CDH23: variants seen among roughly 807,000 people sequenced by gnomAD.
CDH23 encodes cadherin-23.
Under a neutral mutation model 317.1 loss-of-function variants are expected in CDH23, and 189 were observed. The ratio of observed to expected loss-of-function variants is 0.60; its 90% confidence interval spans 0.53 to 0.67. The LOEUF (loss-of-function observed/expected upper bound fraction) is 0.67, where lower values mean the gene tolerates loss of function less well. CDH23 is among the 30% of genes least tolerant of loss of function. The probability of loss-of-function intolerance (pLI) is 0.00; values close to 1 mark genes in which losing one functional copy is unlikely to be tolerated. For synonymous variants in CDH23, 1,839 were observed against 1,876.8 expected (o/e 0.98, Z 0.52); for missense variants, 4,401 against 4,592.4 (o/e 0.96, Z 1.20).
At position 71,705,126 on chromosome 10, in the gene CDH23, C is replaced by A. The variant is rs779049156; in HGVS notation, c.2949C>A (p.Ile983=). 1.6e-5 allele frequency: 26 copies of A among 1,608,530 alleles called. No individual in the cohort carries two copies. The South Asian group carries it at 2.9e-4, about 18-fold the overall frequency. Residue 983 remains isoleucine, a synonymous_variant, in exon 25 of 70, where the codon ATC becomes ATA. Transcript: ENST00000224721. ...PTKSSTSTLT[I]HVLDVNDETP... ...AGAGCTCCACCAGCACGCTCACCAT[C>A]CATGGTGAGGGGGCGCAGGGGCTTC...
intron 38 of CDH23, among the ~76,000 whole-genome samples, chr10:71,767,155 CTTG>C (rs972780734): frequency 2.0e-5 from 3 of 152,232 alleles, no homozygotes; most frequent in East Asian, 1.9e-4. Flanking sequence ...GAAAGGAGCT[CTTG>C]TTGGCATCTT....
chr10:71,805,898 T>C lies in CDH23; in HGVS notation c.7965T>C (p.Thr2655=), dbSNP rs759914689. 1.2e-6 allele frequency: 2 copies of C among 1,613,600 alleles called. No homozygotes were observed. Among genetic ancestry groups the C allele is most frequent in the Non-Finnish European group, 1.7e-6 (2 of 1,179,812 alleles). The change falls in exon 56 of 70, where the codon ACT becomes ACC. Residue 2655 remains threonine (T), a synonymous_variant. Transcript: ENST00000224721. ...CGGTGCGCTACAGCTTCCTGAAGAC[T>C]GCGGGCAACCGGGACTGGGAGTTCT... is the stretch of plus-strand genomic sequence containing the variant. ...NGAVRYSFLK[T]AGNRDWEFFI...
intron 9 of CDH23, among the ~76,000 whole-genome samples, chr10:71,579,548 C>T (rs1858480682): frequency 6.6e-6 from 1 of 152,196 alleles, no homozygotes; most frequent in African/African-American, 2.4e-5. Context: ...CTACGAAGTC[C>T]TTGGGCCCCA....
intron 32 of CDH23, 27 bp from the exon 33 acceptor site, chr10:71,734,213 C>T: frequency 6.3e-7 from 1 of 1,576,252 alleles, no homozygotes; most frequent in Non-Finnish European, 8.6e-7. Context: ...GATGTTGTCA[C>T]TCACCCATCT....
intron 9 of CDH23, among the ~76,000 whole-genome samples, chr10:71,587,061 C>T (rs1589237610): frequency 1.3e-5 from 2 of 152,336 alleles, no homozygotes; most frequent in Non-Finnish European, 1.5e-5. Context: ...TACGTCATCT[C>T]TCACCCCCAT....
intron 11 of CDH23, 165 bp downstream of exon 11, chr10:71,617,558 T>G: frequency 6.8e-7 from 1 of 1,463,814 alleles, no homozygotes; most frequent in Non-Finnish European, 9.0e-7. Flanking sequence ...ATCACTAGTC[T>G]CTACTTTTGG....
intron 38 of CDH23, chr10:71,755,379 C>T (rs932829677): frequency 3.1e-6 from 5 of 1,612,396 alleles, no homozygotes; most frequent in Non-Finnish European, 4.2e-6. Flanking sequence ...GGCTGCCTGC[C>T]TTTGCTTGTA....
At chr10:71,414,566 AC>A (rs1219036206) in intron 1 of CDH23, among the ~76,000 whole-genome samples, 3 of 152,356 alleles carry the variant, frequency 2.0e-5, no homozygotes, top group Admixed American at 6.5e-5. Context: ...TGCAATAGCT[AC>A]AACAGCTTTT....
At chr10:71,762,139 A>G in intron 38 of CDH23, 1 of 1,255,704 alleles carries the variant, frequency 8.0e-7, no homozygotes, top group East Asian at 2.6e-5. Context: ...GGCCAGGGGC[A>G]TGTCAGCTGA....
chr10:71,537,347 G>A (rs538751190), intron 6 of CDH23, among the ~76,000 whole-genome samples: 2 of 152,338 alleles, frequency 1.3e-5, no homozygotes, highest in East Asian at 1.9e-4. Flanking sequence ...ATCCGTCAGG[G>A]ATCTGACACG....
chr10:71,662,582 C>G (rs1231168764), intron 14 of CDH23, among the ~76,000 whole-genome samples: 1 of 152,112 alleles, frequency 6.6e-6, no homozygotes, highest in African/African-American at 2.4e-5. Context: ...TGTCTTTGCC[C>G]CCTTCTCTCA....
intron 41 of CDH23, among the ~76,000 whole-genome samples, chr10:71,781,830 G>A (rs1048469881): frequency 9.9e-5 from 15 of 152,164 alleles, no homozygotes; most frequent in Non-Finnish European, 1.5e-4. Context: ...AGCGCCACCC[G>A]CATCTCAGAA....
chr10:71,669,692 C>T (rs144484669), intron 14 of CDH23, among the ~76,000 whole-genome samples: 2,468 of 152,270 alleles, frequency 0.016, 72 homozygotes, highest in African/African-American at 0.057. Context: ...AGGTGATCTG[C>T]CTGCCTTGGC....
At chr10:71,812,378 T>C (rs765298905) in intron 66 of CDH23, 102 bp from the exon 67 acceptor site, 9 of 1,603,126 alleles carry the variant, frequency 5.6e-6, no homozygotes, top group South Asian at 1.1e-5. Flanking sequence ...TGAAAGGCAC[T>C]ATATGGCCAG....
At chr10:71,402,414 A>G (rs1847821495) in intron 1 of CDH23, among the ~76,000 whole-genome samples, 1 of 152,228 alleles carries the variant, frequency 6.6e-6, no homozygotes, top group African/African-American at 2.4e-5. Flanking sequence ...ATTGAGCACC[A>G]GTTCTTCCAC....
Position 71,813,235 on chromosome 10 carries a change from C to T in CDH23, c.9634-9C>T. On this transcript the variant is annotated splice_polypyrimidine_tract_variant and intron_variant, in intron 68 of 69. Coordinates refer to ENST00000224721, the MANE Select transcript of CDH23 (RefSeq NM_022124.6). Reference sequence around the variant, plus strand: ...GCCTTGGTGGGGGTTAACCCTTTCCCTCCCCCAGGGCTCGCTGCTGAAGGT... The same window carrying T: ...GCCTTGGTGGGGGTTAACCCTTTCCTTCCCCCAGGGCTCGCTGCTGAAGGT... 6.4e-7 allele frequency: 1 copy of T among 1,551,248 alleles called. No individual in the cohort carries two copies. Among genetic ancestry groups the T allele is most frequent in the South Asian group, 1.2e-5 (1 of 84,040 alleles).
chr10:71,779,753 G>C (rs1289635138), intron 41 of CDH23, among the ~76,000 whole-genome samples: 1 of 152,246 alleles, frequency 6.6e-6, no homozygotes, highest in Non-Finnish European at 1.5e-5. Flanking sequence ...CCCCAGGGCA[G>C]ACGAGGGAAG....
rs543422221 is a variant in CDH23 at position 71,770,849 on chromosome 10, C to T, written c.4846-6831C>T. On this transcript the variant is annotated intron_variant, in intron 38 of 69. Coordinates refer to ENST00000224721, the MANE Select transcript of CDH23 (RefSeq NM_022124.6). Reference sequence around the variant, plus strand: ...ACTAGTACAGCTCAGCAAGGGACTCCCAGTATTGCTGGCCCTTGGGTGTCC... The same window carrying T: ...ACTAGTACAGCTCAGCAAGGGACTCTCAGTATTGCTGGCCCTTGGGTGTCC... Among the ~76,000 whole-genome samples the T allele has an allele frequency of 4.6e-5, 7 of 152,256 alleles. No individual in the cohort carries two copies. The East Asian group carries it at 1.4e-3, about 30-fold the overall frequency.
At position 71,760,888 on chromosome 10, in the gene CDH23, G is replaced by A. The variant is rs201924865; in HGVS notation, c.4846-16792G>A. ...CTTACTTTCACTATCCTGGGAGGAG[G>A]ATGGGTACACCACACAGTTGGATGG... On this transcript the variant is annotated intron_variant, in intron 38 of 69. Transcript: ENST00000224721. The A allele has an allele frequency of 7.4e-6, 12 of 1,613,790 alleles. No homozygotes were observed. The East Asian group carries it at 2.5e-4, about 33-fold the overall frequency.
Sources: gnomAD v4.1 joint callset for allele counts (sites outside exome capture counted in the v4.1 genomes callset) on GRCh38, gnomAD v4.1.1 for gene constraint, MANE v1.5 for transcripts, NCBI Gene and HGNC (gene_info 2026-07-23, HGNC 2026-07-21) for gene names.